PHAF1: variants seen among roughly 807,000 people sequenced by gnomAD.
PHAF1 encodes phagophore assembly factor 1.
PHAF1 carries 23 observed loss-of-function variants against 63.1 expected under a neutral mutation model. That is an observed-to-expected ratio of 0.36 (90% CI 0.26 to 0.52). The LOEUF (loss-of-function observed/expected upper bound fraction) is 0.52. Ranked by LOEUF, PHAF1 falls within the 20% of genes least tolerant of loss-of-function variation. The pLI, the probability that PHAF1 is intolerant of heterozygous loss-of-function variation, is 0.93. For missense variants in PHAF1, 427 were observed against 517.2 expected, an observed-to-expected ratio of 0.83 and a Z score of 1.69; for synonymous variants, 167 against 185.0, an observed-to-expected ratio of 0.90 and a Z score of 0.79.
rs147555291 is a variant in PHAF1, at chr16:67,147,091, C to T, written c.1229C>T (p.Pro410Leu). 2.7e-5 allele frequency: 44 copies of T among 1,614,096 alleles called. No individual in the cohort carries two copies. Among genetic ancestry groups the T allele is most frequent in the Non-Finnish European group, 3.7e-5 (44 of 1,179,976 alleles). Reference sequence around the variant, plus strand: ...GCCTCGGTGACCCTGTATGGCCCCCCCAGGCCTGGTAGCCACCTGAGAACA... The same window carrying T: ...GCCTCGGTGACCCTGTATGGCCCCCTCAGGCCTGGTAGCCACCTGAGAACA... ...HIASVTLYGP[P>L]RPGSHLRTAE... Residue 410 changes from proline to leucine, a missense_variant, in exon 16 of 16, where the codon CCC becomes CTC. Pro to Leu is a moderately conservative substitution (Grantham distance 98, BLOSUM62 -3). Coordinates refer to ENST00000219139, the MANE Select transcript of PHAF1 (RefSeq NM_025187.5).
At chr16:67,123,904 T>A (rs945181735) in intron 2 of PHAF1, among the ~76,000 whole-genome samples, 1 of 152,208 alleles carries the variant, frequency 6.6e-6, no homozygotes, top group African/African-American at 2.4e-5. Flanking sequence ...GGAAAAGATA[T>A]TAACAACTAG....
chr16:67,110,633 G>C (rs1962475177), intron 1 of PHAF1, among the ~76,000 whole-genome samples: 1 of 152,126 alleles, frequency 6.6e-6, no homozygotes, highest in South Asian at 2.1e-4. Flanking sequence ...AGAAGTGGCT[G>C]ACCCCTCTGA....
intron 3 of PHAF1, among the ~76,000 whole-genome samples, chr16:67,126,907 G>C (rs1465961192): frequency 8.5e-6 from 1 of 117,682 alleles, no homozygotes; most frequent in Middle Eastern, 5.0e-3. Flanking sequence ...TTTTTTTTTT[G>C]AGACAGAGTC....
chr16:67,133,043 TC>T, intron 6 of PHAF1, 132 bp downstream of exon 6: 4 of 764,288 alleles, frequency 5.2e-6, no homozygotes, highest in Non-Finnish European at 8.8e-6. Flanking sequence ...GTATTTGAGC[TC>T]TACAGGGTAA....
chr16:67,134,354 G>A lies in PHAF1; in HGVS notation c.549-1G>A. 1 of 1,612,908 alleles carries A rather than the reference G, an allele frequency of 6.2e-7. No individual in the cohort carries two copies. The highest frequency in any genetic ancestry group is 8.5e-7 in the Non-Finnish European group (1 of 1,178,858). ...TCTGCTCATTCTGTGTCTGTCCCCA[G>A]GGCTCCCATGATGCCTCTGAGCTGT... On this transcript the variant is annotated splice_acceptor_variant, in intron 7 of 15. Transcript: ENST00000219139. LOFTEE classifies it high-confidence loss of function.
In PHAF1 at chr16:67,148,239, C is replaced by T. The variant is rs1225388947; in HGVS notation, c.*1108C>T. The T allele has an allele frequency of 6.6e-6, 1 of 152,612 alleles. No individual in the cohort carries two copies. The highest frequency in any genetic ancestry group is 2.4e-5 in the African/African-American group (1 of 41,456). 9.5% of individuals were successfully genotyped at this position (152,612 alleles called of 1,614,324 possible). ...TAATTAACTCATGTACAGCCTCATC[C>T]TGTATAGTTTAATGATGAATGTGCA... On this transcript the variant is annotated 3_prime_UTR_variant, in exon 16 of 16. Transcript: ENST00000219139.
chr16:67,130,289 C>A (rs1173931456), intron 3 of PHAF1, among the ~76,000 whole-genome samples: 1 of 151,654 alleles, frequency 6.6e-6, no homozygotes, highest in Non-Finnish European at 1.5e-5. Context: ...CCTTGTGATC[C>A]GCCCGCCTCG....
In PHAF1 at chr16:67,147,186, C is replaced by T; in HGVS notation, c.*55C>T. On this transcript the variant is annotated 3_prime_UTR_variant, in exon 16 of 16. Transcript: ENST00000219139. ...GTGGAACTGTGCATCACATCCTGCTCAGTGGGCCTCTGTACCACCCTGTGG... is the reference window on the plus strand; with the variant it reads ...GTGGAACTGTGCATCACATCCTGCTTAGTGGGCCTCTGTACCACCCTGTGG... 6.7e-7 allele frequency: 1 copy of T among 1,503,602 alleles called. No homozygotes were observed. Among genetic ancestry groups the T allele is most frequent in the Non-Finnish European group, 9.3e-7 (1 of 1,080,920 alleles). The allele number at this position is 1,503,602 out of a possible 1,614,324, so 93.1% of individuals were successfully genotyped here. A position where few individuals can be genotyped will look rare whatever the true frequency, so the allele number is the denominator to read the frequency against.
chr16:67,116,605 T>A (rs1400229252), intron 1 of PHAF1, among the ~76,000 whole-genome samples: 1 of 152,154 alleles, frequency 6.6e-6, no homozygotes, highest in Non-Finnish European at 1.5e-5. Context: ...ATTCTAGCAC[T>A]TTAGAAAGCG....
In PHAF1 at chr16:67,144,951, C is replaced by T. The variant is rs2029913304; in HGVS notation, c.1006+74C>T. 7.1e-6 allele frequency: 11 copies of T among 1,546,246 alleles called. No individual in the cohort carries two copies. In the East Asian group the frequency reaches 9.0e-5, roughly 13 times the overall value. ...TTCCACTATGAAAAGGGAGAAAGAT[C>T]GAAGCAGTGGTTGGATGTGTGGAGC... On this transcript the variant is annotated intron_variant, in intron 12 of 15. Coordinates refer to ENST00000219139, the MANE Select transcript of PHAF1 (RefSeq NM_025187.5).
At chr16:67,123,162 C>A (rs1321179059) in intron 2 of PHAF1, among the ~76,000 whole-genome samples, 1 of 150,946 alleles carries the variant, frequency 6.6e-6, no homozygotes, top group East Asian at 1.9e-4. Context: ...TCATGGCTCA[C>A]TGGAACCTCC....
intron 12 of PHAF1, 32 bp from the exon 13 acceptor site, chr16:67,145,344 T>C (rs767352835): frequency 1.9e-6 from 3 of 1,613,384 alleles, no homozygotes; most frequent in South Asian, 2.2e-5. Context: ...CTGGGCCAGC[T>C]ACAAATCTGC....
At position 67,140,005 on chromosome 16, in the gene PHAF1, C is replaced by T. The variant is rs1963747471; in HGVS notation, c.683C>T (p.Ala228Val). 5.0e-6 allele frequency: 8 copies of T among 1,614,114 alleles called. No homozygotes were observed. Among genetic ancestry groups the T allele is most frequent in the Non-Finnish European group, 5.9e-6 (7 of 1,180,006 alleles). Residue 228 changes from alanine (A) to valine (V), a missense_variant, in exon 9 of 16, where the codon GCA (alanine) becomes GTA (valine). Transcript: ENST00000219139. Reference sequence around the variant, plus strand: ...GCAGGTTGTGGACCTGGCCTATTAGCAGATGCCAAGATGCGGGTATTTGAA... The same window carrying T: ...GCAGGTTGTGGACCTGGCCTATTAGTAGATGCCAAGATGCGGGTATTTGAA... ...LAAGCGPGLLADAKMRVFERS... is the reference protein window; with the variant it reads ...LAAGCGPGLLVDAKMRVFERS...
At chr16:67,145,504 C>T (rs777355983) in intron 13 of PHAF1, 66 bp from the exon 14 acceptor site, 92 of 1,610,988 alleles carry the variant, frequency 5.7e-5, no homozygotes, top group Non-Finnish European at 7.4e-5. Context: ...GTCCTCTAGG[C>T]CAGCCATTGG....
intron 12 of PHAF1, 56 bp from the exon 13 acceptor site, chr16:67,145,320 G>C: frequency 3.8e-6 from 6 of 1,596,174 alleles, no homozygotes; most frequent in Non-Finnish European, 5.1e-6. Context: ...CCTAGGGCTG[G>C]GGCCACAGGT....
Position 67,145,356 on chromosome 16 carries a change from CCACT to C in PHAF1, c.1007-19_1007-16del, listed in dbSNP as rs760696739. 31 of 1,613,812 alleles carry C rather than the reference CCACT, an allele frequency of 1.9e-5. No homozygotes were observed. Among genetic ancestry groups the C allele is most frequent in the Non-Finnish European group, 2.5e-5 (29 of 1,179,954 alleles). Reference sequence around the variant, plus strand: ...AGGCTGGGCCAGCTACAAATCTGCCCCACTGTCTTCTCTTTTCAGAAAACGCAGA... The same window carrying C: ...AGGCTGGGCCAGCTACAAATCTGCCCGTCTTCTCTTTTCAGAAAACGCAGA... On this transcript the variant is annotated splice_polypyrimidine_tract_variant and intron_variant, in intron 12 of 15. Transcript: ENST00000219139.
At position 67,145,603 on chromosome 16, in the gene PHAF1, G is replaced by A. The variant is rs758816972; in HGVS notation, c.1084G>A (p.Val362Met). Residue 362 changes from valine to methionine, a missense_variant, in exon 14 of 16, where the codon GTG (valine) becomes ATG (methionine). Val to Met is a conservative substitution (Grantham distance 21). Transcript: ENST00000219139. ...CATCCAGGAGCTCCTGGGCCACCCT[G>A]TGGAGAAGCCTGTTGTCCTGCACAG... Reference protein sequence around the residue: ...DNIQELLGHPVEKPVVLHRSS... With the variant: ...DNIQELLGHPMEKPVVLHRSS... The A allele has an allele frequency of 1.9e-6, 3 of 1,613,890 alleles. No individual in the cohort carries two copies. In the Admixed American group the frequency reaches 5.0e-5, roughly 27 times the overall value.
intron 2 of PHAF1, among the ~76,000 whole-genome samples, chr16:67,124,685 C>T (rs957819469): frequency 6.6e-6 from 1 of 152,000 alleles, no homozygotes; most frequent in African/African-American, 2.4e-5. Flanking sequence ...AGATGGATCA[C>T]GAGGTCAGGA....
intron 3 of PHAF1, among the ~76,000 whole-genome samples, chr16:67,127,994 A>T (rs527327356): frequency 6.6e-6 from 1 of 152,192 alleles, no homozygotes; most frequent in African/African-American, 2.4e-5. Context: ...CAGCCCATAA[A>T]ATCACAGCAT....
Sources: gnomAD v4.1 joint callset for allele counts (sites outside exome capture counted in the v4.1 genomes callset) on GRCh38, gnomAD v4.1.1 for gene constraint, MANE v1.5 for transcripts, NCBI Gene and HGNC (gene_info 2026-07-23, HGNC 2026-07-21) for gene names.